LINC00305: variants seen among roughly 807,000 people sequenced by gnomAD.
LINC00305 encodes the protein long intergenic non-protein coding RNA 305.
At chr18:64,123,620 T>C (rs919289139) in intron 1 of LINC00305, among the ~76,000 whole-genome samples, 38 of 151,100 alleles carry the variant, frequency 2.5e-4, no homozygotes, top group Non-Finnish European at 4.3e-4. Context: ...ATTTTATTTA[T>C]TTTTTTTTAA....
At chr18:64,100,173 T>C (rs1461313040) in intron 1 of LINC00305, among the ~76,000 whole-genome samples, 2 of 152,136 alleles carry the variant, frequency 1.3e-5, no homozygotes, top group African/African-American at 4.8e-5. Context: ...GAGATGGTTG[T>C]TATGACAGGA....
chr18:64,144,776 G>T (rs2051488915), intron 1 of LINC00305, among the ~76,000 whole-genome samples: 1 of 152,188 alleles, frequency 6.6e-6, no homozygotes, highest in African/African-American at 2.4e-5. Flanking sequence ...ACAATGCCAG[G>T]TTGGACTGCC....
chr18:64,108,626 C>T (rs1393432160), intron 1 of LINC00305, among the ~76,000 whole-genome samples: 1 of 152,094 alleles, frequency 6.6e-6, no homozygotes, highest in Non-Finnish European at 1.5e-5. Flanking sequence ...GTGAAACAAA[C>T]AAGAATTGAG....
intron 3 of LINC00305, among the ~76,000 whole-genome samples, chr18:64,082,024 C>T (rs1026381357): frequency 3.3e-5 from 5 of 152,078 alleles, no homozygotes; most frequent in African/African-American, 1.2e-4. Context: ...TGATAAAAGC[C>T]CTTTCCTGAA....
intron 3 of LINC00305, among the ~76,000 whole-genome samples, chr18:64,089,594 G>T (rs1053944692): frequency 5.3e-5 from 8 of 152,150 alleles, no homozygotes; most frequent in Non-Finnish European, 7.3e-5. Context: ...TGGGGAAAAG[G>T]CAGGAAATGA....
At chr18:64,140,327 C>G (rs112440346) in intron 1 of LINC00305, among the ~76,000 whole-genome samples, 10,731 of 152,018 alleles carry the variant, frequency 0.071, 560 homozygotes, top group Non-Finnish European at 0.12. Context: ...TCCTGCCTCA[C>G]CCTCCCAAGT....
At chr18:64,109,402 T>G (rs1256373720) in intron 1 of LINC00305, among the ~76,000 whole-genome samples, 1 of 152,222 alleles carries the variant, frequency 6.6e-6, no homozygotes, top group Non-Finnish European at 1.5e-5. Context: ...AGAAGGCACC[T>G]GTCTCATTAG....
intron 2 of LINC00305, among the ~76,000 whole-genome samples, chr18:64,098,334 C>A (rs1382131707): frequency 6.6e-6 from 1 of 152,136 alleles, no homozygotes; most frequent in Non-Finnish European, 1.5e-5. Context: ...GAAGTGTAAC[C>A]TAGAGTGCAG....
intron 3 of LINC00305, among the ~76,000 whole-genome samples, chr18:64,084,681 C>G (rs963582656): frequency 6.6e-6 from 1 of 152,202 alleles, no homozygotes; most frequent in African/African-American, 2.4e-5. Flanking sequence ...ATTTCTCATG[C>G]ATCTGCAGGG....
intron 1 of LINC00305, chr18:64,139,422 G>A (rs2051450632): frequency 6.6e-6 from 1 of 152,192 alleles, no homozygotes; most frequent in South Asian, 2.1e-4. Context: ...CTCCTGGTTT[G>A]TGGTTAGATA....
At chr18:64,128,659 T>C (rs2051396189) in intron 1 of LINC00305, among the ~76,000 whole-genome samples, 1 of 152,138 alleles carries the variant, frequency 6.6e-6, no homozygotes, top group African/African-American at 2.4e-5. Flanking sequence ...ACTCTAGACT[T>C]ACATACACTG....
chr18:64,088,887 G>T (rs949370714), intron 3 of LINC00305, among the ~76,000 whole-genome samples: 1 of 152,124 alleles, frequency 6.6e-6, no homozygotes, highest in Non-Finnish European at 1.5e-5. Context: ...GATAAAAAAA[G>T]GGACAGGAAG....
At chr18:64,143,578 A>ATACATATG (rs1568120080) in intron 1 of LINC00305, among the ~76,000 whole-genome samples, 14 of 101,530 alleles carry the variant, frequency 1.4e-4, no homozygotes, top group South Asian at 2.8e-4. Flanking sequence ...ACACATATGT[A>ATACATATG]TATGTACATA....
intron 3 of LINC00305, among the ~76,000 whole-genome samples, chr18:64,093,171 C>T (rs1185665679): frequency 1.2e-4 from 18 of 152,094 alleles, no homozygotes; most frequent in Admixed American, 4.6e-4. Context: ...ACCACTCCAG[C>T]GATGAGGACT....
At chr18:64,107,767 G>A (rs1047354979) in intron 1 of LINC00305, among the ~76,000 whole-genome samples, 1 of 152,204 alleles carries the variant, frequency 6.6e-6, no homozygotes, top group Non-Finnish European at 1.5e-5. Context: ...ATAGGGTAGA[G>A]TCAGAGGACT....
At chr18:64,095,070 C>A (rs928239879) in intron 3 of LINC00305, among the ~76,000 whole-genome samples, 11 of 151,974 alleles carry the variant, frequency 7.2e-5, no homozygotes, top group African/African-American at 2.7e-4. Context: ...TTCCCCATTT[C>A]TTTTAGGCTG....
At chr18:64,109,996 C>T (rs2051308283) in intron 1 of LINC00305, among the ~76,000 whole-genome samples, 1 of 152,024 alleles carries the variant, frequency 6.6e-6, no homozygotes, top group Admixed American at 6.5e-5. Context: ...TTAAGCTCAT[C>T]AGCTATCATT....
rs34018547 is a variant in LINC00305 at position 64,095,458 on chromosome 18, A to AT, written n.540+2375dup. Among the ~76,000 whole-genome samples, 26 of 151,104 alleles carry AT rather than the reference A, an allele frequency of 1.7e-4. No homozygotes were observed. The South Asian group carries it at 1.9e-3, about 11-fold the overall frequency. Reference sequence around the variant, plus strand: ...TCACTAAAATATAAGACAAGAGGAGATTTTTTTTTTGATAGAAGAAGTGAA... The same window carrying AT: ...TCACTAAAATATAAGACAAGAGGAGATTTTTTTTTTTGATAGAAGAAGTGAA... On this transcript the variant is annotated intron_variant and non_coding_transcript_variant, in intron 3 of 3. Coordinates refer to ENST00000666468, the Ensembl canonical transcript of LINC00305.
intron 1 of LINC00305, among the ~76,000 whole-genome samples, chr18:64,114,998 C>T (rs1172248729): frequency 6.6e-6 from 1 of 152,226 alleles, no homozygotes; most frequent in Non-Finnish European, 1.5e-5. Context: ...CACCCTCCTC[C>T]ATGCAGGGCT....
Sources: allele counts gnomAD v4.1 joint callset (sites outside exome capture counted in the v4.1 genomes callset), GRCh38; gene constraint gnomAD v4.1.1; transcripts MANE v1.5; gene names NCBI Gene and HGNC (gene_info 2026-07-23, HGNC 2026-07-21).